The following PRKCA variants were observed in gnomAD, a reference collection of about 807,000 sequenced individuals.
PRKCA encodes protein kinase C alpha type.
In PRKCA, 27 loss-of-function variants were observed where a neutral mutation model predicts 87.0. The ratio of observed to expected loss-of-function variants is 0.31; its 90% CI spans 0.23 to 0.43. PRKCA has a LOEUF of 0.43. Ranked by LOEUF, PRKCA falls within the 20% of genes least tolerant of loss-of-function variation. PRKCA has a pLI of 1.00. For missense variants in PRKCA, 518 were observed against 852.3 expected, an observed-to-expected ratio of 0.61 and a Z score of 4.88; for synonymous variants, 329 against 311.1, an observed-to-expected ratio of 1.06 and a Z score of -0.61.
At chr17:66,318,724 G>A (rs1205174839) in intron 2 of PRKCA, among the ~76,000 whole-genome samples, 2 of 151,938 alleles carry the variant, frequency 1.3e-5, no homozygotes, top group African/African-American at 2.4e-5. Flanking sequence ...GCGTGGTGGC[G>A]GGTGCCTGTA....
At chr17:66,398,942 C>G (rs111240011) in intron 2 of PRKCA, among the ~76,000 whole-genome samples, 102 of 151,840 alleles carry the variant, frequency 6.7e-4, no homozygotes, top group Non-Finnish European at 1.1e-3. Flanking sequence ...ATTTAATGCT[C>G]GATTTTTGTA....
At chr17:66,376,935 C>G (rs1909454395) in intron 2 of PRKCA, among the ~76,000 whole-genome samples, 1 of 152,204 alleles carries the variant, frequency 6.6e-6, no homozygotes, top group African/African-American at 2.4e-5. Context: ...ATGACTGAGG[C>G]AGAGAAGATG....
rs1258594000 is a variant in PRKCA, at chr17:66,807,384, A to T, written c.*3347A>T. On this transcript the variant is annotated 3_prime_UTR_variant, in exon 17 of 17. Transcript: ENST00000413366. This position sits in a 1 kb window ranked among gnomAD's most constrained non-coding sequence, Gnocchi z 4.3. ...GTGGGCTGGCAGCCCGTCTCTTGGCATTTCAATTGAAGGTCACCAGGTGCT... is the reference window on the plus strand; with the variant it reads ...GTGGGCTGGCAGCCCGTCTCTTGGCTTTTCAATTGAAGGTCACCAGGTGCT... The T allele has an allele frequency of 6.6e-6, 1 of 152,236 alleles. No homozygotes were observed. The highest frequency in any genetic ancestry group is 1.5e-5 in the Non-Finnish European group (1 of 68,070). The allele number at this position is 152,236 out of a possible 1,614,324, so 9.4% of individuals were successfully genotyped here. A position where few individuals can be genotyped will look rare whatever the true frequency, so the allele number is the denominator to read the frequency against.
intron 3 of PRKCA, among the ~76,000 whole-genome samples, chr17:66,619,572 A>G (rs912143292): frequency 6.6e-6 from 1 of 152,226 alleles, no homozygotes; most frequent in African/African-American, 2.4e-5. Context: ...GAAGGGCATA[A>G]TATGCCCCTC....
intron 13 of PRKCA, among the ~76,000 whole-genome samples, chr17:66,756,429 G>A (rs986577253): frequency 3.3e-5 from 5 of 151,782 alleles, no homozygotes; most frequent in African/African-American, 1.2e-4. Flanking sequence ...CCTCATCGTC[G>A]GACCGTAGCA....
intron 5 of PRKCA, among the ~76,000 whole-genome samples, chr17:66,660,617 C>T (rs866786967): frequency 2.0e-5 from 3 of 152,044 alleles, no homozygotes; most frequent in Non-Finnish European, 4.4e-5. Context: ...CGGCCGGGCG[C>T]GATGGCTCAC....
chr17:66,631,742 G>A (rs1389862339), intron 3 of PRKCA, among the ~76,000 whole-genome samples: 1 of 152,142 alleles, frequency 6.6e-6, no homozygotes, highest in African/African-American at 2.4e-5. Context: ...CTGAGGGGAT[G>A]GATACTCCAT....
At chr17:66,460,603 T>A (rs1346669757) in intron 2 of PRKCA, among the ~76,000 whole-genome samples, 1 of 152,216 alleles carries the variant, frequency 6.6e-6, no homozygotes, top group Non-Finnish European at 1.5e-5. Flanking sequence ...TTTAGTGGGA[T>A]AAAACCTTGT....
At chr17:66,572,417 A>G (rs1969108624) in intron 3 of PRKCA, among the ~76,000 whole-genome samples, 1 of 152,222 alleles carries the variant, frequency 6.6e-6, no homozygotes, top group Non-Finnish European at 1.5e-5. Context: ...CAGTGAACCA[A>G]GATTGCACCA....
intron 3 of PRKCA, among the ~76,000 whole-genome samples, chr17:66,584,203 T>TTTTG (rs546007045): frequency 1.8e-3 from 270 of 152,174 alleles, no homozygotes; most frequent in African/African-American, 5.9e-3. Flanking sequence ...TTGTTTTGGT[T>TTTTG]TTTGTTTGTT....
At chr17:66,706,516 A>C (rs1973196303) in intron 8 of PRKCA, among the ~76,000 whole-genome samples, 1 of 151,544 alleles carries the variant, frequency 6.6e-6, no homozygotes, top group South Asian at 2.1e-4. Flanking sequence ...GATGGCAGGC[A>C]CCTGTAGTCC....
At chr17:66,651,092 C>T (rs557589394) in intron 5 of PRKCA, among the ~76,000 whole-genome samples, 9 of 152,086 alleles carry the variant, frequency 5.9e-5, no homozygotes, top group Admixed American at 3.9e-4. Context: ...AGCTTCACAT[C>T]GGAAGTGCAG....
At chr17:66,388,960 A>G (rs1245717664) in intron 2 of PRKCA, among the ~76,000 whole-genome samples, 1 of 152,138 alleles carries the variant, frequency 6.6e-6, no homozygotes, top group African/African-American at 2.4e-5. Flanking sequence ...ACACATAGAG[A>G]TGTGGAAGGA....
intron 2 of PRKCA, among the ~76,000 whole-genome samples, chr17:66,361,093 G>C (rs1408740213): frequency 6.6e-6 from 1 of 151,950 alleles, no homozygotes; most frequent in East Asian, 1.9e-4. Context: ...ATGCGGCCTT[G>C]GTTGCTGCTG....
Position 66,329,852 on chromosome 17 carries a change from A to G in PRKCA, c.205+23725A>G, listed in dbSNP as rs75223807. ...CCCCGTCATTTATCTGGATAGTTCT[A>G]TTTTTCCATACATTGTCTTTGATCG... is the stretch of plus-strand genomic sequence containing the variant. On this transcript the variant is annotated intron_variant, in intron 2 of 16. Transcript: ENST00000413366. 3.6e-3 allele frequency among the ~76,000 whole-genome samples: 547 copies of G among 152,192 alleles called. 1 individual carries two copies. Among genetic ancestry groups the G allele is most frequent in the African/African-American group, 0.012 (513 of 41,522 alleles).
At chr17:66,400,720 C>T (rs1046971359) in intron 2 of PRKCA, among the ~76,000 whole-genome samples, 6 of 152,190 alleles carry the variant, frequency 3.9e-5, no homozygotes, top group Non-Finnish European at 8.8e-5. Flanking sequence ...TGGTTACAAC[C>T]ATTTTACAGT....
intron 3 of PRKCA, among the ~76,000 whole-genome samples, chr17:66,638,546 T>A (rs561111215): frequency 6.6e-6 from 1 of 152,292 alleles, no homozygotes; most frequent in East Asian, 1.9e-4. Flanking sequence ...TCTGTATGAT[T>A]GAACTATTTC....
chr17:66,668,144 G>C (rs1972088019), intron 5 of PRKCA, among the ~76,000 whole-genome samples: 1 of 152,176 alleles, frequency 6.6e-6, no homozygotes, highest in African/African-American at 2.4e-5. Flanking sequence ...GATAAACAGG[G>C]TCTTCGACCA....
At chr17:66,375,751 A>G (rs899055852) in intron 2 of PRKCA, among the ~76,000 whole-genome samples, 1 of 152,148 alleles carries the variant, frequency 6.6e-6, no homozygotes, top group African/African-American at 2.4e-5. Context: ...AAGAGATGCA[A>G]TGAAGAGATA....
Sources: gnomAD v4.1 joint callset for allele counts (sites outside exome capture counted in the v4.1 genomes callset) on GRCh38, gnomAD v4.1.1 for gene constraint, Gnocchi (gnomAD v3.1) non-coding constraint, MANE v1.5 for transcripts, NCBI Gene and HGNC (gene_info 2026-07-23, HGNC 2026-07-21) for gene names.